NLRP11: variants seen among roughly 807,000 people sequenced by gnomAD.
NLRP11 encodes the protein NACHT, LRR and PYD domains-containing protein 11.
NLRP11 carries 53 observed loss-of-function variants against 79.3 expected under a neutral mutation model. That is an observed-to-expected ratio of 0.67 (90% CI 0.54 to 0.84). The LOEUF is 0.84. Ranked by LOEUF, NLRP11 falls within the 40% of genes least tolerant of loss-of-function variation. The pLI is 0.00. For synonymous variants in NLRP11, 518 were observed against 462.6 expected, an observed-to-expected ratio of 1.12 and a Z score of -1.54; for missense variants, 1,264 against 1,255.0, an observed-to-expected ratio of 1.01 and a Z score of -0.11.
Position 55,796,123 on chromosome 19 carries a change from A to T in NLRP11, c.2299T>A (p.Cys767Ser), listed in dbSNP as rs950726830. 8.1e-6 allele frequency: 13 copies of T among 1,613,956 alleles called. No individual in the cohort carries two copies. The African/African-American group carries it at 1.3e-4, about 17-fold the overall frequency. ...CAGTTGGGATGAAGCAAGGCATCAC[A>T]CAGTATGTTCATCCCGTCGCTCCTC... Residue 767 changes from cysteine (C) to serine (S), a missense_variant, in exon 6 of 10, where the codon TGT becomes AGT. Transcript: ENST00000589093.
chr19:55,818,128 T>G lies in NLRP11; in HGVS notation c.47A>C (p.Glu16Ala), dbSNP rs1167334866. The G allele has an allele frequency of 1.9e-6, 3 of 1,614,028 alleles. No individual in the cohort carries two copies. The South Asian group carries it at 3.3e-5, about 18-fold the overall frequency. Residue 16 changes from glutamate (E) to alanine (A), a missense_variant, in exon 2 of 10, where the codon GAG (glutamate) becomes GCG (alanine). Physicochemically the swap from Glu to Ala is moderately radical, Grantham distance 107. Transcript: ENST00000589093. ...CTGAAATTCCTTGTCACTGAGATTC[T>G]CTAGATACCACAGCAGGTCAAAGTC...
At chr19:55,796,112 C>T (rs1273421570) in exon 6 of NLRP11, 1 of 1,613,878 alleles carries the variant, frequency 6.2e-7, no homozygotes. Flanking sequence ...TGGGATGAAG[C>T]AAGGCATCAC....
exon 8 of NLRP11, chr19:55,789,313 A>T (rs1990096883): frequency 6.2e-7 from 1 of 1,613,986 alleles, no homozygotes; most frequent in South Asian, 1.1e-5. Flanking sequence ...GTTGCTCCCA[A>T]TCTCCAGGCT....
At chr19:55,800,956 G>C (rs1979418897) in intron 5 of NLRP11, 1 of 152,126 alleles carries the variant, frequency 6.6e-6, no homozygotes, top group Non-Finnish European at 1.5e-5. Flanking sequence ...GAGGCCTGTG[G>C]ATCACCTGAG....
chr19:55,823,035 A>T (rs1423472041), intron 1 of NLRP11, among the ~76,000 whole-genome samples: 1 of 150,018 alleles, frequency 6.7e-6, no homozygotes, highest in Non-Finnish European at 1.5e-5. Context: ...TGAAGAGAGC[A>T]GTGGTTCTCC....
chr19:55,835,945 G>A (rs537345630), upstream of NLRP11, among the ~76,000 whole-genome samples: 4 of 152,372 alleles, frequency 2.6e-5, no homozygotes, highest in East Asian at 3.9e-4. Context: ...CCAACATGGC[G>A]AAAGCCCGTC....
At chr19:55,835,929 G>A (rs1040401398), upstream of NLRP11, among the ~76,000 whole-genome samples, 25 of 152,358 alleles carry the variant, frequency 1.6e-4, no homozygotes, top group South Asian at 1.0e-3. Context: ...TTCGAGACCA[G>A]CCTGGCCAAC....
intron 4 of NLRP11, among the ~76,000 whole-genome samples, chr19:55,802,110 A>T (rs1979536977): frequency 6.6e-6 from 1 of 152,226 alleles, no homozygotes; most frequent in Non-Finnish European, 1.5e-5. Context: ...CTGATGGCTG[A>T]TAATAGCCAC....
chr19:55,796,327 AAG>A (rs1356168035), intron 5 of NLRP11, 77 bp from the exon 6 acceptor site: 4 of 1,170,734 alleles, frequency 3.4e-6, no homozygotes, highest in Admixed American at 2.4e-5. Flanking sequence ...AAAAAAAAAA[AAG>A]AGAGACCTAA....
exon 10 of NLRP11, chr19:55,785,846 G>T (rs1317317971): frequency 1.9e-6 from 3 of 1,614,032 alleles, no homozygotes; most frequent in South Asian, 1.1e-5. Context: ...TGCTGGGTTT[G>T]TGTGTTCAGG....
At chr19:55,806,223 T>A (rs1979975931) in intron 4 of NLRP11, among the ~76,000 whole-genome samples, 1 of 152,244 alleles carries the variant, frequency 6.6e-6, no homozygotes, top group African/African-American at 2.4e-5. Context: ...TGGCTTTAAA[T>A]ACACATTTGT....
At chr19:55,836,555 G>T (rs538756708), upstream of NLRP11, 1 of 152,484 alleles carries the variant, frequency 6.6e-6, no homozygotes, top group South Asian at 2.1e-4. Context: ...CCAGGAAGGC[G>T]TGGAGCGGTG....
rs200192022 is a variant in NLRP11 at position 55,808,798 on chromosome 19, G to T, written c.1812C>A (p.Asn604Lys). The T allele has an allele frequency of 1.9e-6, 3 of 1,610,574 alleles. No homozygotes were observed. The East Asian group carries it at 6.7e-5, about 36-fold the overall frequency. ...CAGTTGGCCTTATAAGTGGCTCTTT[G>T]TTTTGAAAGATGCGCTGAACACTCA... Residue 604 changes from asparagine (N) to lysine (K), a missense_variant, in exon 3 of 10, where the codon AAC becomes AAA. Transcript: ENST00000589093.
At chr19:55,833,997 A>T (rs1198866638), upstream of NLRP11, among the ~76,000 whole-genome samples, 1 of 152,038 alleles carries the variant, frequency 6.6e-6, no homozygotes, top group East Asian at 1.9e-4. Context: ...AAAAATAATT[A>T]CAAGTGACTT....
chr19:55,788,719 A>AAC (rs2122704766), intron 9 of NLRP11, 88 bp downstream of exon 9: 1 of 941,790 alleles, frequency 1.1e-6, no homozygotes, highest in South Asian at 1.8e-5. Context: ...CAGCCTGGGC[A>AAC]ACAGAGTGAG....
chr19:55,786,496 G>C (rs1484552283), intron 9 of NLRP11, among the ~76,000 whole-genome samples: 1 of 151,836 alleles, frequency 6.6e-6, no homozygotes, highest in East Asian at 1.9e-4. Flanking sequence ...TCTCCAGCCT[G>C]AGTGACAGAG....
chr19:55,789,021 G>A, intron 8 of NLRP11, 44 bp from the exon 9 acceptor site: 1 of 1,605,762 alleles, frequency 6.2e-7, no homozygotes, highest in South Asian at 1.1e-5. Flanking sequence ...AATCCTTGAG[G>A]AAAAATGGCA....
chr19:55,797,988 ATAT>A (rs1322312500), intron 5 of NLRP11, among the ~76,000 whole-genome samples: 2 of 141,808 alleles, frequency 1.4e-5, no homozygotes, highest in African/African-American at 2.7e-5. Context: ...GGTGTATTCT[ATAT>A]TATTATTATT....
At chr19:55,818,775 C>A (rs1223291413) in intron 1 of NLRP11, among the ~76,000 whole-genome samples, 2 of 152,024 alleles carry the variant, frequency 1.3e-5, no homozygotes. Context: ...TTGTATGCTG[C>A]TGAAAAGAAA....
Sources: allele counts gnomAD v4.1 joint callset (sites outside exome capture counted in the v4.1 genomes callset), GRCh38; gene constraint gnomAD v4.1.1; transcripts MANE v1.5; gene names NCBI Gene and HGNC (gene_info 2026-07-23, HGNC 2026-07-21).